MAML2: variants seen among roughly 807,000 people sequenced by gnomAD.
The protein encoded by MAML2 is mastermind like transcriptional coactivator 2, also known as mastermind-like protein 2.
In MAML2, 22 loss-of-function variants were observed where a neutral mutation model predicts 96.1. That is an observed-to-expected ratio of 0.23 (90% CI 0.16 to 0.33). The LOEUF (loss-of-function observed/expected upper bound fraction) is 0.33, where lower values mean the gene tolerates loss of function less well. Ranked by LOEUF, MAML2 falls within the 10% of genes least tolerant of loss-of-function variation. The pLI, the probability that MAML2 is intolerant of heterozygous loss-of-function variation, is 1.00. For missense variants in MAML2, 1,367 were observed against 1,392.4 expected (o/e 0.98, Z 0.29); for synonymous variants, 561 against 521.3 (o/e 1.08, Z -1.04).
chr11:96,185,015 G>T (rs1861551606), intron 1 of MAML2, among the ~76,000 whole-genome samples: 1 of 152,204 alleles, frequency 6.6e-6, no homozygotes, highest in Admixed American at 6.5e-5. Context: ...AAACTTAAGA[G>T]TTCCTTCCTC....
chr11:96,177,800 G>A (rs1203712098), intron 1 of MAML2, among the ~76,000 whole-genome samples: 2 of 152,160 alleles, frequency 1.3e-5, no homozygotes, highest in Non-Finnish European at 2.9e-5. Context: ...GAGCATTTGA[G>A]AGTGGAAATA....
intron 1 of MAML2, among the ~76,000 whole-genome samples, chr11:96,236,459 C>G (rs186155944): frequency 1.2e-3 from 187 of 152,140 alleles, no homozygotes; most frequent in African/African-American, 4.3e-3. Context: ...ATTTTTTTCC[C>G]ACATTCTTTC....
At chr11:96,295,937 A>C (rs2508997) in intron 1 of MAML2, among the ~76,000 whole-genome samples, 1 of 137,886 alleles carries the variant, frequency 7.3e-6, no homozygotes, top group East Asian at 2.2e-4. Flanking sequence ...CAGAACAGTA[A>C]ACACACACAC....
intron 2 of MAML2, among the ~76,000 whole-genome samples, chr11:96,005,295 C>A (rs1052601308): frequency 3.9e-5 from 6 of 152,138 alleles, no homozygotes; most frequent in African/African-American, 1.4e-4. Flanking sequence ...TTAATTGATT[C>A]TTCTAGAAAT....
At chr11:96,175,747 T>C (rs981766621) in intron 1 of MAML2, among the ~76,000 whole-genome samples, 1 of 152,094 alleles carries the variant, frequency 6.6e-6, no homozygotes, top group Non-Finnish European at 1.5e-5. Context: ...CCCGCCACCA[T>C]GCCTGGCTAT....
chr11:96,277,917 C>CT (rs55884794), intron 1 of MAML2, among the ~76,000 whole-genome samples: 93,258 of 142,390 alleles, frequency 0.65, 32,053 homozygotes, highest in South Asian at 0.78. Flanking sequence ...TCTGTGGGAA[C>CT]TTTTTTTTTT....
At chr11:96,116,888 G>A (rs994435283) in intron 1 of MAML2, among the ~76,000 whole-genome samples, 3 of 152,230 alleles carry the variant, frequency 2.0e-5, no homozygotes, top group African/African-American at 7.2e-5. Context: ...CGTAGCACAT[G>A]AGGAGGACAA....
chr11:96,274,284 G>A (rs1392984806), intron 1 of MAML2, among the ~76,000 whole-genome samples: 2 of 151,756 alleles, frequency 1.3e-5, no homozygotes, highest in Non-Finnish European at 2.9e-5. Flanking sequence ...GGGGTTTCAC[G>A]TGTTAGCCAG....
rs887235684 is a variant in MAML2, at chr11:96,269,513, C to T, written c.513+71870G>A. 6.3e-5 allele frequency among the ~76,000 whole-genome samples: 9 copies of T among 143,572 alleles called. 1 individual carries two copies. The Admixed American group carries it at 6.6e-4, about 11-fold the overall frequency. The allele number at this position is 143,572 out of a possible 152,430, so 94.2% of individuals were successfully genotyped here. On this transcript the variant is annotated intron_variant, in intron 1 of 4. Coordinates refer to ENST00000524717, the MANE Select transcript of MAML2 (RefSeq NM_032427.4). Reference sequence around the variant, plus strand: ...TCTTTTTGCTTTATTTTTTGAGGTACATTCTTTTTATTTTGGGGGGAAATG... The same window carrying T: ...TCTTTTTGCTTTATTTTTTGAGGTATATTCTTTTTATTTTGGGGGGAAATG...
intron 1 of MAML2, among the ~76,000 whole-genome samples, chr11:96,183,516 A>G (rs1861523132): frequency 6.7e-6 from 1 of 149,636 alleles, no homozygotes. Context: ...CTCTCACCTC[A>G]GCCTCCTGAT....
At chr11:96,334,653 A>G (rs1298064908) in intron 1 of MAML2, among the ~76,000 whole-genome samples, 2 of 152,254 alleles carry the variant, frequency 1.3e-5, no homozygotes, top group Non-Finnish European at 2.9e-5. Flanking sequence ...GTGTCCATCA[A>G]TGTATTCCTG....
At position 96,230,085 on chromosome 11, in the gene MAML2, T is replaced by A. The variant is rs911748543; in HGVS notation, c.513+111298A>T. 3.9e-5 allele frequency among the ~76,000 whole-genome samples: 6 copies of A among 152,310 alleles called. No homozygotes were observed. In the South Asian group the frequency reaches 1.0e-3, roughly 26 times the overall value. Reference sequence around the variant, plus strand: ...AAAAAACATTTAACGAAACGTGGGATGTTTAATGAAAAATTTCCCACAATA... The same window carrying A: ...AAAAAACATTTAACGAAACGTGGGAAGTTTAATGAAAAATTTCCCACAATA... On this transcript the variant is annotated intron_variant, in intron 1 of 4. Coordinates refer to ENST00000524717, the MANE Select transcript of MAML2 (RefSeq NM_032427.4).
intron 1 of MAML2, among the ~76,000 whole-genome samples, chr11:96,193,563 G>C (rs1267512467): frequency 6.6e-6 from 1 of 152,124 alleles, no homozygotes; most frequent in East Asian, 1.9e-4. Flanking sequence ...AGAAGACACA[G>C]TAATAAAACA....
intron 1 of MAML2, among the ~76,000 whole-genome samples, chr11:96,228,903 G>A (rs1236267485): frequency 6.6e-6 from 1 of 151,922 alleles, no homozygotes; most frequent in Non-Finnish European, 1.5e-5. Context: ...GCGGTCTCTT[G>A]TAAAGTTATC....
chr11:96,189,685 CTTTG>C (rs1861625406), intron 1 of MAML2, among the ~76,000 whole-genome samples: 2 of 152,292 alleles, frequency 1.3e-5, no homozygotes, highest in South Asian at 2.1e-4. Flanking sequence ...CTACTTGCTA[CTTTG>C]TTTGTTGGGC....
intron 1 of MAML2, among the ~76,000 whole-genome samples, chr11:96,121,634 G>A (rs762827168): frequency 2.0e-5 from 3 of 151,688 alleles, no homozygotes; most frequent in Non-Finnish European, 4.4e-5. Flanking sequence ...TCTGATTAAT[G>A]GGCTAGTGCT....
intron 1 of MAML2, among the ~76,000 whole-genome samples, chr11:96,329,081 CTTTTT>C (rs1863821562): frequency 6.6e-6 from 1 of 151,912 alleles, no homozygotes; most frequent in South Asian, 2.1e-4. Context: ...GAATATTTTC[CTTTTT>C]GTTTTTTTTA....
At chr11:96,228,580 A>G (rs508643) in intron 1 of MAML2, among the ~76,000 whole-genome samples, 104,812 of 152,138 alleles carry the variant, frequency 0.69, 37,017 homozygotes, top group African/African-American at 0.85. Context: ...GCCGCTGTCC[A>G]CCTTCCATTG....
At chr11:96,226,052 C>G (rs1862206013) in intron 1 of MAML2, among the ~76,000 whole-genome samples, 1 of 152,128 alleles carries the variant, frequency 6.6e-6, no homozygotes, top group East Asian at 1.9e-4. Flanking sequence ...TCCTATCAGC[C>G]AATCACTATG....
Sources: allele counts gnomAD v4.1 joint callset (sites outside exome capture counted in the v4.1 genomes callset), GRCh38; gene constraint gnomAD v4.1.1; transcripts MANE v1.5; gene names NCBI Gene and HGNC (gene_info 2026-07-23, HGNC 2026-07-21).